Variants in SLCO4C1 observed in about 807,000 individuals in gnomAD.
The protein encoded by SLCO4C1 is organic anion transporter M1.
A neutral mutation model predicts 72.1 loss-of-function variants in SLCO4C1; 58 were observed. The ratio of observed to expected loss-of-function variants is 0.80; its 90% CI spans 0.65 to 1.00. The LOEUF (loss-of-function observed/expected upper bound fraction) is 1.00. Ranked by LOEUF, SLCO4C1 falls within the 50% of genes least tolerant of loss-of-function variation. The pLI, the probability that SLCO4C1 is intolerant of heterozygous loss-of-function variation, is 0.00. For synonymous variants in SLCO4C1, 297 were observed against 312.5 expected, an observed-to-expected ratio of 0.95 and a Z score of 0.52; for missense variants, 898 against 857.9, an observed-to-expected ratio of 1.05 and a Z score of -0.58.
intron 10 of SLCO4C1, among the ~76,000 whole-genome samples, chr5:102,243,367 G>A (rs1443124512): frequency 6.6e-6 from 1 of 152,130 alleles, no homozygotes; most frequent in Non-Finnish European, 1.5e-5. Flanking sequence ...AGTAACCATG[G>A]AGTAGTTACA....
At chr5:102,284,410 T>A (rs115940151) in intron 2 of SLCO4C1, among the ~76,000 whole-genome samples, 2,175 of 152,256 alleles carry the variant, frequency 0.014, 30 homozygotes, top group Middle Eastern at 0.02. Flanking sequence ...GCTTTCAAAT[T>A]CACATAGTTA....
At chr5:102,270,564 T>A in intron 3 of SLCO4C1, 60 bp downstream of exon 3, 1 of 1,422,102 alleles carries the variant, frequency 7.0e-7, no homozygotes, top group Non-Finnish European at 9.4e-7. Flanking sequence ...ATACTTTACT[T>A]CTAAAGTGAA....
chr5:102,260,348 A>C, intron 5 of SLCO4C1, 29 bp from the exon 6 acceptor site: 7 of 307,378 alleles, frequency 2.3e-5, no homozygotes, highest in South Asian at 8.6e-5. Context: ...TATATATATA[A>C]TATATATATT....
intron 8 of SLCO4C1, among the ~76,000 whole-genome samples, chr5:102,254,779 A>G (rs941874421): frequency 1.3e-5 from 2 of 152,234 alleles, no homozygotes; most frequent in African/African-American, 4.8e-5. Flanking sequence ...AGACTACAGT[A>G]TAGGGTAAAT....
chr5:102,276,474 A>G (rs1340541973), intron 2 of SLCO4C1, among the ~76,000 whole-genome samples: 1 of 152,200 alleles, frequency 6.6e-6, no homozygotes, highest in Non-Finnish European at 1.5e-5. Context: ...AGTTGGTCAG[A>G]GGGCCCAACT....
At position 102,260,226 on chromosome 5, in the gene SLCO4C1, G is replaced by T; in HGVS notation, c.1115C>A (p.Pro372Gln). 1 of 1,369,712 alleles carries T rather than the reference G, an allele frequency of 7.3e-7. No individual in the cohort carries two copies. The highest frequency in any genetic ancestry group is 9.6e-7 in the Non-Finnish European group (1 of 1,044,856). 84.8% of individuals were successfully genotyped at this position (1,369,712 alleles called of 1,614,324 possible). The stretch of plus-strand genomic sequence containing the variant: ...ATTTTATTTTACCTTTAGAGCAGCT[G>T]GAAAATCTTTAATACTTTTTCCAAA... ...VKFGKSIKDF[P>Q]AALKNLMKNA... Residue 372 changes from proline to glutamine, a missense_variant, in exon 6 of 13, where the codon CCA (proline) becomes CAA (glutamine). Transcript: ENST00000310954.
chr5:102,247,395 G>C lies in SLCO4C1; in HGVS notation c.1668C>G (p.Ser556=). 2 of 1,589,808 alleles carry C rather than the reference G, an allele frequency of 1.3e-6. No individual in the cohort carries two copies. Among genetic ancestry groups the C allele is most frequent in the Non-Finnish European group, 1.7e-6 (2 of 1,162,192 alleles). The change falls in exon 10 of 13, where the codon TCC becomes TCG. Residue 556 remains serine (S), a synonymous_variant. Transcript: ENST00000310954. The part of the protein sequence containing the change: ...SCIERKTEIT[S]TAETFGFEAK... ...CTTCAAAACCAAAAGTTTCTGCAGT[G>C]GATGTTATTTCTGTTTTCCTTTCAA...
intron 10 of SLCO4C1, among the ~76,000 whole-genome samples, chr5:102,246,622 T>G (rs1319669132): frequency 6.6e-6 from 1 of 151,382 alleles, no homozygotes; most frequent in Non-Finnish European, 1.5e-5. Context: ...AAAATAAAAA[T>G]TAAATAAACA....
chr5:102,253,872 T>G (rs1296357485), intron 8 of SLCO4C1, among the ~76,000 whole-genome samples: 2 of 151,596 alleles, frequency 1.3e-5, no homozygotes, highest in Non-Finnish European at 2.9e-5. Context: ...GAATCAATCA[T>G]ACCCCAAACC....
intron 3 of SLCO4C1, among the ~76,000 whole-genome samples, chr5:102,267,597 T>C (rs980026303): frequency 6.6e-6 from 1 of 150,570 alleles, no homozygotes; most frequent in Non-Finnish European, 1.5e-5. Context: ...TTTTTTTTTT[T>C]AACTCTTGTA....
rs374720671 is a variant in SLCO4C1, at chr5:102,270,835, T to C, written c.620-29A>G. The C allele has an allele frequency of 1.7e-4, 254 of 1,507,548 alleles. 1 individual carries two copies. Among genetic ancestry groups the C allele is most frequent in the Non-Finnish European group, 8.2e-5 (92 of 1,121,026 alleles). The allele number at this position is 1,507,548 out of a possible 1,614,324, so 93.4% of individuals were successfully genotyped here. ...TGTGGAAAAAAAAATTGTGAATTTA[T>C]AGAAATTCAGCTAATAATTTAAATT... On this transcript the variant is annotated intron_variant, in intron 2 of 12. Transcript: ENST00000310954.
intron 2 of SLCO4C1, among the ~76,000 whole-genome samples, chr5:102,272,134 A>C (rs1469606019): frequency 1.3e-5 from 2 of 152,160 alleles, no homozygotes; most frequent in Non-Finnish European, 2.9e-5. Context: ...TGAAGTGCTA[A>C]GTTAATTCAT....
In SLCO4C1 at chr5:102,266,687, G is replaced by C. The variant is rs142872557; in HGVS notation, c.803-2907C>G. On this transcript the variant is annotated intron_variant, in intron 3 of 12. Transcript: ENST00000310954. ...GAAAAGAAAAGAAAAAAAACAGAAA[G>C]TGGGCTTTCTTGTGCTTCAGTTCTT... 1.2e-4 allele frequency among the ~76,000 whole-genome samples: 18 copies of C among 151,194 alleles called. No homozygotes were observed. The East Asian group carries it at 3.5e-3, about 29-fold the overall frequency.
intron 10 of SLCO4C1, among the ~76,000 whole-genome samples, chr5:102,246,353 T>C (rs1748636664): frequency 6.6e-6 from 1 of 152,070 alleles, no homozygotes; most frequent in Admixed American, 6.6e-5. Flanking sequence ...CAAAGGATCA[T>C]GAGTGGCTAC....
chr5:102,258,879 A>T (rs1748888207), intron 6 of SLCO4C1, among the ~76,000 whole-genome samples: 1 of 151,936 alleles, frequency 6.6e-6, no homozygotes, highest in Admixed American at 6.6e-5. Context: ...TAAAATAATT[A>T]ATAATAATAA....
chr5:102,254,112 T>C (rs924065306), intron 8 of SLCO4C1, among the ~76,000 whole-genome samples: 2 of 152,160 alleles, frequency 1.3e-5, no homozygotes, highest in African/African-American at 4.8e-5. Context: ...TCAAAGATTC[T>C]TTGCACCCCT....
intron 2 of SLCO4C1, among the ~76,000 whole-genome samples, chr5:102,277,547 C>T (rs529485849): frequency 6.6e-6 from 1 of 152,260 alleles, no homozygotes; most frequent in South Asian, 2.1e-4. Context: ...CAAGTCACTT[C>T]TACCATTCCC....
At chr5:102,258,175 A>C in intron 6 of SLCO4C1, 88 bp from the exon 7 acceptor site, 2 of 1,063,848 alleles carry the variant, frequency 1.9e-6, no homozygotes, top group South Asian at 2.4e-5. Context: ...TGAAATAACA[A>C]AATTTTACAA....
intron 6 of SLCO4C1, 132 bp from the exon 7 acceptor site, chr5:102,258,219 A>G: frequency 1.6e-6 from 1 of 630,094 alleles, no homozygotes; most frequent in Non-Finnish European, 2.5e-6. Context: ...CCTCCAAAAC[A>G]AAAATATAAC....
Sources: allele counts gnomAD v4.1 joint callset (sites outside exome capture counted in the v4.1 genomes callset), GRCh38; gene constraint gnomAD v4.1.1; transcripts MANE v1.5; gene names NCBI Gene and HGNC (gene_info 2026-07-23, HGNC 2026-07-21).